PAPPA: variants seen among roughly 807,000 people sequenced by gnomAD.
PAPPA encodes pappalysin 1.
In PAPPA, 60 loss-of-function variants were observed where a neutral mutation model predicts 164.0. The observed-to-expected ratio is 0.37, with a 90% CI of 0.30 to 0.45. PAPPA has a LOEUF of 0.45. Ranked by LOEUF, PAPPA falls within the 20% of genes least tolerant of loss-of-function variation. PAPPA has a pLI of 1.00. For missense variants in PAPPA, 1,782 were observed against 2,087.3 expected (o/e 0.85, Z 2.85); for synonymous variants, 875 against 814.1 (o/e 1.07, Z -1.27).
intron 7 of PAPPA, among the ~76,000 whole-genome samples, chr9:116,247,634 G>C (rs1486546523): frequency 6.6e-6 from 1 of 152,130 alleles, no homozygotes; most frequent in African/African-American, 2.4e-5. Context: ...GAAAATAACA[G>C]CTGTCAGAGC....
chr9:116,302,325 A>G lies in PAPPA; in HGVS notation c.2954-432A>G, dbSNP rs190812691. 4.5e-4 allele frequency among the ~76,000 whole-genome samples: 69 copies of G among 152,298 alleles called. No homozygotes were observed. In the Middle Eastern group the frequency reaches 0.01, roughly 23 times the overall value. Reference sequence around the variant, plus strand: ...GCACACTATTTTACAGCAGATTCCTATAACTTTTTCATGTTGCACAATTGA... The same window carrying G: ...GCACACTATTTTACAGCAGATTCCTGTAACTTTTTCATGTTGCACAATTGA... On this transcript the variant is annotated intron_variant, in intron 9 of 21. Transcript: ENST00000328252.
chr9:116,198,564 T>C (rs1289899400), intron 2 of PAPPA, among the ~76,000 whole-genome samples: 1 of 152,204 alleles, frequency 6.6e-6, no homozygotes, highest in Non-Finnish European at 1.5e-5. Context: ...AGCTGCATAA[T>C]TGCTGTTACG....
At chr9:116,229,594 T>C (rs1271810730) in intron 6 of PAPPA, among the ~76,000 whole-genome samples, 1 of 152,062 alleles carries the variant, frequency 6.6e-6, no homozygotes, top group Non-Finnish European at 1.5e-5. Flanking sequence ...GTAAGACAGA[T>C]GAGATAGATA....
intron 21 of PAPPA, among the ~76,000 whole-genome samples, chr9:116,396,030 T>C (rs554408867): frequency 6.6e-6 from 1 of 152,324 alleles, no homozygotes; most frequent in East Asian, 1.9e-4. Flanking sequence ...ACTCAGCTCC[T>C]ATAGTTTAAA....
At chr9:116,203,504 A>G (rs1158846967) in intron 2 of PAPPA, among the ~76,000 whole-genome samples, 1 of 152,216 alleles carries the variant, frequency 6.6e-6, no homozygotes, top group Non-Finnish European at 1.5e-5. Context: ...AAGCAGATTG[A>G]TAAGTACTGG....
intron 1 of PAPPA, among the ~76,000 whole-genome samples, chr9:116,171,670 A>G (rs1290620721): frequency 6.6e-6 from 1 of 152,138 alleles, no homozygotes; most frequent in African/African-American, 2.4e-5. Context: ...GCTTTCATGG[A>G]AGGCTTCCTG....
Position 116,154,561 on chromosome 9 carries a change from GC to G in PAPPA, c.391del (p.Gln131ArgfsTer6). The G allele has an allele frequency of 7.1e-7, 1 of 1,405,056 alleles. No homozygotes were observed. Among genetic ancestry groups the G allele is most frequent in the Non-Finnish European group, 9.3e-7 (1 of 1,077,504 alleles). The allele number at this position is 1,405,056 out of a possible 1,614,324, so 87.0% of individuals were successfully genotyped here. A position where few individuals can be genotyped will look rare whatever the true frequency, so the allele number is the denominator to read the frequency against. On this transcript the variant is annotated frameshift_variant, in exon 1 of 22. Coordinates refer to ENST00000328252, the MANE Select transcript of PAPPA (RefSeq NM_002581.5). LOFTEE classifies it high-confidence loss of function. This position sits in a 1 kb window ranked among gnomAD's most constrained non-coding sequence, Gnocchi z 5.2. ...TLQVWLRAEGGQRSPAVITGL... is the reference protein window; with the variant it reads ...TLQVWLRAEGXQRSPAVITGL... Reference sequence around the variant, plus strand: ...CAAGTGTGGCTGCGAGCGGAGGGGGGCCAGAGGTCTCCGGCAGTGATCACAG... The same window carrying G: ...CAAGTGTGGCTGCGAGCGGAGGGGGGCAGAGGTCTCCGGCAGTGATCACAG...
At chr9:116,358,819 A>G (rs1237711263) in intron 17 of PAPPA, among the ~76,000 whole-genome samples, 1 of 152,212 alleles carries the variant, frequency 6.6e-6, no homozygotes, top group Non-Finnish European at 1.5e-5. Context: ...ACTTGGGCAC[A>G]TTGCCTCCCC....
At chr9:116,332,289 T>A in intron 11 of PAPPA, 44 bp from the exon 12 acceptor site, 1 of 1,582,788 alleles carries the variant, frequency 6.3e-7, no homozygotes, top group South Asian at 1.1e-5. Context: ...CCCCACCACA[T>A]GACTGAGTGC....
intron 1 of PAPPA, among the ~76,000 whole-genome samples, chr9:116,173,302 A>T (rs1843794726): frequency 6.6e-6 from 1 of 152,216 alleles, no homozygotes; most frequent in African/African-American, 2.4e-5. Flanking sequence ...TCTCTCTTTG[A>T]AATTGTGCTC....
chr9:116,231,766 C>CTTTTCTTTTTT lies in PAPPA; in HGVS notation c.2234-3369_2234-3368insCTTTTTTTTTT, dbSNP rs1844599055. 1.0e-4 allele frequency among the ~76,000 whole-genome samples: 6 copies of CTTTTCTTTTTT among 57,524 alleles called. 2 individuals are homozygous for CTTTTCTTTTTT. Among genetic ancestry groups the CTTTTCTTTTTT allele is most frequent in the Non-Finnish European group, 1.6e-4 (5 of 32,224 alleles). The allele number at this position is 57,524 out of a possible 152,430, so 37.7% of individuals were successfully genotyped here. On this transcript the variant is annotated intron_variant, in intron 6 of 21. Transcript: ENST00000328252. The stretch of plus-strand genomic sequence containing the variant: ...GTGGTTTTTCTTTTCTTTTCTTTTT[C>CTTTTCTTTTTT]TTTTTTTTTTTTGAGATGGAGTTTC...
At chr9:116,184,722 A>C (rs1843949125) in intron 1 of PAPPA, among the ~76,000 whole-genome samples, 1 of 152,206 alleles carries the variant, frequency 6.6e-6, no homozygotes, top group African/African-American at 2.4e-5. Flanking sequence ...AAAGATCCTG[A>C]TCTTTCTACT....
At chr9:116,282,487 T>A (rs1240821005) in intron 9 of PAPPA, among the ~76,000 whole-genome samples, 1 of 152,226 alleles carries the variant, frequency 6.6e-6, no homozygotes, top group Non-Finnish European at 1.5e-5. Flanking sequence ...ATTATTAATT[T>A]AATTAAATTA....
At chr9:116,229,502 A>G (rs957733743) in intron 6 of PAPPA, among the ~76,000 whole-genome samples, 4 of 152,234 alleles carry the variant, frequency 2.6e-5, no homozygotes, top group Non-Finnish European at 4.4e-5. Context: ...TAATAGATAT[A>G]ACCTGCATAA....
chr9:116,339,376 G>A lies in PAPPA; in HGVS notation c.3611+4302G>A, dbSNP rs550802240. On this transcript the variant is annotated intron_variant, in intron 13 of 21. Coordinates refer to ENST00000328252, the MANE Select transcript of PAPPA (RefSeq NM_002581.5). Reference sequence around the variant, plus strand: ...CTCCTCGACACACCCCACTCAGCTCGCTTGAACCCTGCAGGCTACTGAGCT... The same window carrying A: ...CTCCTCGACACACCCCACTCAGCTCACTTGAACCCTGCAGGCTACTGAGCT... Among the ~76,000 whole-genome samples, 7 of 152,070 alleles carry A rather than the reference G, an allele frequency of 4.6e-5. No homozygotes were observed. The East Asian group carries it at 5.8e-4, about 13-fold the overall frequency.
rs564522843 is a variant in PAPPA, at chr9:116,301,157, C to A, written c.2954-1600C>A. Among the ~76,000 whole-genome samples, 15 of 152,104 alleles carry A rather than the reference C, an allele frequency of 9.9e-5. No homozygotes were observed. In the South Asian group the frequency reaches 3.1e-3, roughly 32 times the overall value. On this transcript the variant is annotated intron_variant, in intron 9 of 21. Coordinates refer to ENST00000328252, the MANE Select transcript of PAPPA (RefSeq NM_002581.5). ...AATCAAGCAGAAGCCTTAGGGTGAC[C>A]ATATATCCTGATTTGCCTGAGAAAT...
intron 2 of PAPPA, among the ~76,000 whole-genome samples, chr9:116,199,339 T>C (rs1027721850): frequency 1.3e-5 from 2 of 152,252 alleles, no homozygotes; most frequent in African/African-American, 4.8e-5. Flanking sequence ...GTAGTGTCTG[T>C]GACTGATAAA....
chr9:116,237,859 A>G (rs1009839013), intron 7 of PAPPA, among the ~76,000 whole-genome samples: 6 of 152,014 alleles, frequency 3.9e-5, no homozygotes, highest in African/African-American at 1.2e-4. Flanking sequence ...AGCTGGGATT[A>G]CAGGCACGCA....
At chr9:116,299,387 C>T (rs1459883414) in intron 9 of PAPPA, among the ~76,000 whole-genome samples, 3 of 152,136 alleles carry the variant, frequency 2.0e-5, no homozygotes, top group Non-Finnish European at 2.9e-5. Context: ...CCTCCATTCT[C>T]AGGTTCTGCT....
Sources: allele counts gnomAD v4.1 joint callset (sites outside exome capture counted in the v4.1 genomes callset), GRCh38; gene constraint gnomAD v4.1.1; non-coding constraint Gnocchi (gnomAD v3.1); transcripts MANE v1.5; gene names NCBI Gene and HGNC (gene_info 2026-07-23, HGNC 2026-07-21).